Variants in ADAM23 observed in about 807,000 individuals in gnomAD.
ADAM23 encodes disintegrin and metalloproteinase domain-containing protein 23.
ADAM23 carries 33 observed loss-of-function variants against 120.1 expected under a neutral mutation model. The ratio of observed to expected loss-of-function variants is 0.27; its 90% CI spans 0.21 to 0.37. The LOEUF is 0.37. Ranked by LOEUF, ADAM23 falls within the 10% of genes least tolerant of loss-of-function variation. The probability of loss-of-function intolerance (pLI) is 1.00; values close to 1 mark genes in which losing one functional copy is unlikely to be tolerated. For missense variants in ADAM23, 862 were observed against 1,058.2 expected (o/e 0.81, Z 2.57); for synonymous variants, 367 against 375.2 (o/e 0.98, Z 0.25).
chr2:206,598,716 A>G (rs1038444806), intron 24 of ADAM23, among the ~76,000 whole-genome samples: 5 of 152,120 alleles, frequency 3.3e-5, no homozygotes, highest in Admixed American at 2.6e-4. Context: ...CCTGGCCAAC[A>G]TGGTGAAACC....
intron 17 of ADAM23, among the ~76,000 whole-genome samples, chr2:206,572,736 A>C (rs1232181213): frequency 1.9e-4 from 29 of 152,134 alleles, no homozygotes; most frequent in Admixed American, 1.7e-3. Flanking sequence ...AATTCAGTGA[A>C]GGTTGGGTAT....
At chr2:206,578,892 G>A (rs1404360199) in intron 18 of ADAM23, among the ~76,000 whole-genome samples, 9 of 152,010 alleles carry the variant, frequency 5.9e-5, no homozygotes, top group East Asian at 1.9e-4. Flanking sequence ...CTGCATCCAC[G>A]CCAGTGTCTA....
intron 23 of ADAM23, among the ~76,000 whole-genome samples, chr2:206,595,174 C>T (rs1457237355): frequency 2.6e-5 from 4 of 152,060 alleles, no homozygotes; most frequent in Non-Finnish European, 5.9e-5. Context: ...AGCGAGACTC[C>T]ATCTCAACAA....
intron 18 of ADAM23, among the ~76,000 whole-genome samples, chr2:206,579,656 G>A (rs1452104963): frequency 6.6e-6 from 1 of 152,172 alleles, no homozygotes; most frequent in African/African-American, 2.4e-5. Flanking sequence ...TTGAAATCAG[G>A]TAATGCAATG....
At chr2:206,567,576 C>A (rs1322501970) in intron 15 of ADAM23, among the ~76,000 whole-genome samples, 1 of 152,148 alleles carries the variant, frequency 6.6e-6, no homozygotes, top group Non-Finnish European at 1.5e-5. Flanking sequence ...TTCCAAAGAG[C>A]AAACAATCCT....
intron 2 of ADAM23, among the ~76,000 whole-genome samples, chr2:206,454,575 G>C (rs11890467): frequency 0.31 from 47,428 of 152,086 alleles, 7,516 homozygotes; most frequent in African/African-American, 0.34. Context: ...AGTGTTAACT[G>C]AAAAGTTCAA....
At chr2:206,491,189 A>G (rs1224993389) in intron 3 of ADAM23, among the ~76,000 whole-genome samples, 1 of 151,968 alleles carries the variant, frequency 6.6e-6, no homozygotes, top group Non-Finnish European at 1.5e-5. Context: ...AACAATAATT[A>G]TTGTGAGTGA....
intron 3 of ADAM23, among the ~76,000 whole-genome samples, chr2:206,506,599 C>G (rs760579041): frequency 6.6e-6 from 1 of 152,198 alleles, no homozygotes; most frequent in African/African-American, 2.4e-5. Context: ...TCAAGCATTT[C>G]GTCAGTTATA....
In ADAM23 at chr2:206,620,312, G is replaced by A. The variant is rs1699030295; in HGVS notation, c.*2685G>A. The A allele has an allele frequency of 6.6e-6, 1 of 152,122 alleles. No individual in the cohort carries two copies. Among genetic ancestry groups the A allele is most frequent in the Non-Finnish European group, 1.5e-5 (1 of 68,012 alleles). 9.4% of individuals were successfully genotyped at this position (152,122 alleles called of 1,614,324 possible). A position where few individuals can be genotyped will look rare whatever the true frequency, so the allele number is the denominator to read the frequency against. Reference sequence around the variant, plus strand: ...TTTTGTTACACTGGCAATTTCATAGGTAATCGAACCTATGCTCCAATGTTA... The same window carrying A: ...TTTTGTTACACTGGCAATTTCATAGATAATCGAACCTATGCTCCAATGTTA... On this transcript the variant is annotated 3_prime_UTR_variant, in exon 26 of 26. Coordinates refer to ENST00000264377, the MANE Select transcript of ADAM23 (RefSeq NM_003812.4).
chr2:206,564,361 T>G (rs1381629630), intron 13 of ADAM23, among the ~76,000 whole-genome samples: 1 of 152,220 alleles, frequency 6.6e-6, no homozygotes, highest in Non-Finnish European at 1.5e-5. Context: ...CACTTCTGTT[T>G]TAGATTGCTC....
chr2:206,602,536 A>G (rs1033315674), intron 24 of ADAM23, among the ~76,000 whole-genome samples: 2 of 152,178 alleles, frequency 1.3e-5, no homozygotes, highest in Non-Finnish European at 2.9e-5. Context: ...ACTTTGGTCC[A>G]TGGAATACAA....
rs1256166734 is a variant in ADAM23 at position 206,621,072 on chromosome 2, A to G, written c.*3445A>G. The G allele has an allele frequency of 1.3e-5, 2 of 152,240 alleles. No homozygotes were observed. Among genetic ancestry groups the G allele is most frequent in the African/African-American group, 4.8e-5 (2 of 41,468 alleles). 9.4% of individuals were successfully genotyped at this position (152,240 alleles called of 1,614,324 possible). ...GTTGGCTGCCTATGAATGGAGATTC[A>G]GTAGTCATTGTATGCATCTTTAAGT... On this transcript the variant is annotated 3_prime_UTR_variant, in exon 26 of 26. Transcript: ENST00000264377.
Position 206,445,374 on chromosome 2 carries a change from A to G in ADAM23, c.282A>G (p.Gln94=), listed in dbSNP as rs1695059800. The G allele has an allele frequency of 4.3e-6, 7 of 1,614,172 alleles. No homozygotes were observed. The highest frequency in any genetic ancestry group is 5.9e-6 in the Non-Finnish European group (7 of 1,180,030). ...TGGCAGATGAAGACAATACATTGCA[A>G]CAGAATAGCAGCAGTAATATCAGTT... ...GVLADEDNTL[Q]QNSSSNISYS... The change falls in exon 2 of 26, where the codon CAA becomes CAG. Residue 94 remains glutamine, a synonymous_variant. Transcript: ENST00000264377.
intron 2 of ADAM23, among the ~76,000 whole-genome samples, chr2:206,453,035 T>G (rs1695229073): frequency 6.6e-6 from 1 of 152,216 alleles, no homozygotes; most frequent in African/African-American, 2.4e-5. Context: ...AAGCATAATT[T>G]CAGCTAGATG....
chr2:206,595,016 A>T lies in ADAM23; in HGVS notation c.2247+111A>T, dbSNP rs1405449932. The T allele has an allele frequency of 7.8e-6, 11 of 1,401,648 alleles. No homozygotes were observed. In the African/African-American group the frequency reaches 1.3e-4, roughly 16 times the overall value. 86.8% of individuals were successfully genotyped at this position (1,401,648 alleles called of 1,614,324 possible). ...GCCAACATGGTGAAACACCATCTCT[A>T]CTAAAAATGCAAAAAATAGCTGGGC... On this transcript the variant is annotated intron_variant, in intron 23 of 25. Coordinates refer to ENST00000264377, the MANE Select transcript of ADAM23 (RefSeq NM_003812.4).
chr2:206,507,506 C>G (rs1696519762), intron 3 of ADAM23, among the ~76,000 whole-genome samples: 1 of 152,118 alleles, frequency 6.6e-6, no homozygotes, highest in Non-Finnish European at 1.5e-5. Flanking sequence ...GAGGCCTTCC[C>G]AGAAGCTGAG....
intron 2 of ADAM23, among the ~76,000 whole-genome samples, chr2:206,478,142 G>C (rs1695822083): frequency 6.6e-6 from 1 of 151,604 alleles, no homozygotes; most frequent in Non-Finnish European, 1.5e-5. Flanking sequence ...TATTTATTTT[G>C]GTATAGAGAA....
chr2:206,470,713 T>TA (rs1287589628), intron 2 of ADAM23, among the ~76,000 whole-genome samples: 2 of 152,194 alleles, frequency 1.3e-5, no homozygotes, highest in African/African-American at 2.4e-5. Context: ...ATGTGAAAGT[T>TA]ACTCTTTTCA....
intron 3 of ADAM23, among the ~76,000 whole-genome samples, chr2:206,526,494 A>G (rs1696950888): frequency 6.6e-6 from 1 of 152,158 alleles, no homozygotes; most frequent in Admixed American, 6.5e-5. Context: ...ATCATGATGA[A>G]AGGGTCTAGG....
Sources: gnomAD v4.1 joint callset for allele counts (sites outside exome capture counted in the v4.1 genomes callset) on GRCh38, gnomAD v4.1.1 for gene constraint, MANE v1.5 for transcripts, NCBI Gene and HGNC (gene_info 2026-07-23, HGNC 2026-07-21) for gene names.